The following POLE variants were observed in gnomAD, a reference collection of about 807,000 sequenced individuals.
The protein encoded by POLE is DNA polymerase epsilon catalytic subunit A.
POLE carries 188 observed loss-of-function variants against 279.2 expected under a neutral mutation model. The observed-to-expected ratio is 0.67, with a 90% confidence interval of 0.60 to 0.76. The LOEUF (loss-of-function observed/expected upper bound fraction) is 0.76, where lower values mean the gene tolerates loss of function less well. Ranked by LOEUF, POLE falls within the 30% of genes least tolerant of loss-of-function variation. The probability of loss-of-function intolerance (pLI) is 0.00; values close to 1 mark genes in which losing one functional copy is unlikely to be tolerated. For missense variants in POLE, 2,703 were observed against 3,016.7 expected, an observed-to-expected ratio of 0.90 and a Z score of 2.44; for synonymous variants, 1,214 against 1,172.5, an observed-to-expected ratio of 1.04 and a Z score of -0.72.
chr12:132,653,870 A>C (rs1283984953), intron 29 of POLE, among the ~76,000 whole-genome samples: 6 of 152,164 alleles, frequency 3.9e-5, no homozygotes, highest in African/African-American at 1.4e-4. Flanking sequence ...CTTTAACATG[A>C]GCAGATGTTA....
chr12:132,644,050 C>T (rs1234212547), intron 32 of POLE, 73 bp from the exon 33 acceptor site: 20 of 1,489,240 alleles, frequency 1.3e-5, no homozygotes, highest in Middle Eastern at 1.8e-4. Flanking sequence ...ACAAAGCACA[C>T]GCTATTCGGA....
Position 132,661,222 on chromosome 12 carries a change from G to T in POLE, c.2865-58C>A, listed in dbSNP as rs2135947053. The T allele has an allele frequency of 6.8e-7, 1 of 1,460,224 alleles. No homozygotes were observed. Among genetic ancestry groups the T allele is most frequent in the Non-Finnish European group, 9.2e-7 (1 of 1,081,976 alleles). 90.5% of individuals were successfully genotyped at this position (1,460,224 alleles called of 1,614,324 possible). A position where few individuals can be genotyped will look rare whatever the true frequency, so the allele number is the denominator to read the frequency against. ...GGCAAGGAGCGCTGGGGAGCCACCA[G>T]CTGTGCCTCATCCTCTCTGCCCGCC... On this transcript the variant is annotated intron_variant, in intron 24 of 48. Coordinates refer to ENST00000320574, the MANE Select transcript of POLE (RefSeq NM_006231.4). The surrounding 1 kb of genome is among the most constrained non-coding windows in gnomAD (Gnocchi z 4.1).
In POLE at chr12:132,642,934, C is replaced by T. The variant is rs1565938478; in HGVS notation, c.4614G>A (p.Leu1538=). The T allele has an allele frequency of 6.2e-7, 1 of 1,612,210 alleles. No homozygotes were observed. Among genetic ancestry groups the T allele is most frequent in the Non-Finnish European group, 8.5e-7 (1 of 1,179,436 alleles). Residue 1538 remains leucine (L), a synonymous_variant, in exon 36 of 49, where the codon CTG becomes CTA. Transcript: ENST00000320574. ...GCAGGAGCTCAGGGCCCACCTTCTC[C>T]AGGAGGAGGCCGTGCTCTGCTGAGT... ...ALYSAEHGLL[L]EKVGPELLPP...
At chr12:132,683,012 T>C (rs1220802902) in intron 1 of POLE, among the ~76,000 whole-genome samples, 2 of 152,086 alleles carry the variant, frequency 1.3e-5, no homozygotes, top group African/African-American at 2.4e-5. Flanking sequence ...CCTTCCTTTG[T>C]CTGAAGGTAT....
rs1351436677 is a variant in POLE, at chr12:132,672,620, A to G, written c.1686+7T>C. The G allele has an allele frequency of 1.9e-6, 3 of 1,613,560 alleles. No homozygotes were observed. The highest frequency in any genetic ancestry group is 2.5e-6 in the Non-Finnish European group (3 of 1,179,640). On this transcript the variant is annotated splice_region_variant and intron_variant, in intron 15 of 48. Coordinates refer to ENST00000320574, the MANE Select transcript of POLE (RefSeq NM_006231.4). ...GGAAGAATCTGAATCCCAGGGAAGA[A>G]GCACACCATCCTAAACCGGCAAGGG...
chr12:132,627,681 T>A (rs1363625741), intron 45 of POLE, among the ~76,000 whole-genome samples: 1 of 152,260 alleles, frequency 6.6e-6, no homozygotes, highest in African/African-American at 2.4e-5. Flanking sequence ...ACCTTAATTT[T>A]AAAATGTTTT....
intron 29 of POLE, among the ~76,000 whole-genome samples, chr12:132,654,134 G>A (rs377675853): frequency 2.0e-5 from 3 of 151,342 alleles, no homozygotes; most frequent in Admixed American, 6.6e-5. Flanking sequence ...AAAGTAACAA[G>A]GATTGCCAAG....
chr12:132,664,380 C>T lies in POLE; in HGVS notation c.2551G>A (p.Glu851Lys), dbSNP rs903152944. ...CCCTTCTGCACTCACCCAATCTGCT[C>T]GATCAGCTCCCGTGCCTGGGTGATG... ...NIITQARELI[E>K]QIGRPLELDT... The change falls in exon 22 of 49, where the codon GAG becomes AAG. Residue 851 changes from glutamate to lysine, a missense_variant. This residue lies in a region of POLE where 21 missense variants were observed against 51.9 expected (regional missense o/e 0.40). Coordinates refer to ENST00000320574, the MANE Select transcript of POLE (RefSeq NM_006231.4). This position sits in a 1 kb window ranked among gnomAD's most constrained non-coding sequence, Gnocchi z 5.3. The T allele has an allele frequency of 7.4e-6, 12 of 1,613,788 alleles. No homozygotes were observed. Among genetic ancestry groups the T allele is most frequent in the Admixed American group, 5.0e-5 (3 of 60,024 alleles).
chr12:132,667,403 T>G, intron 20 of POLE, 100 bp downstream of exon 20: 1 of 1,277,908 alleles, frequency 7.8e-7, no homozygotes, highest in South Asian at 1.3e-5. Context: ...TGCAAGTGCC[T>G]GCTCAGAGGA....
In POLE at chr12:132,624,934, C is replaced by T. The variant is rs746384198; in HGVS notation, c.6718G>A (p.Gly2240Arg). The change falls in exon 48 of 49, where the codon GGA becomes AGA. Residue 2240 changes from glycine (G) to arginine (R), a missense_variant. Physicochemically the swap from Gly to Arg is moderately radical, Grantham distance 125. Around this residue, in one of 5 missense-constraint regions of POLE, gnomAD observed 1,551 missense variants for 1,686.1 expected, o/e 0.92. Coordinates refer to ENST00000320574, the MANE Select transcript of POLE (RefSeq NM_006231.4). Reference protein sequence around the residue: ...TSMPVYCSCAGDFALTIHTQV... With the variant: ...TSMPVYCSCARDFALTIHTQV... The stretch of plus-strand genomic sequence containing the variant: ...GTGTGGATGGTGAGGGCGAAGTCTC[C>T]CGCGCAGCTGCAGTACACAGGCATG... The T allele has an allele frequency of 6.2e-7, 1 of 1,614,098 alleles. No individual in the cohort carries two copies. The highest frequency in any genetic ancestry group is 8.5e-7 in the Non-Finnish European group (1 of 1,179,992).
intron 2 of POLE, 101 bp downstream of exon 2, chr12:132,681,037 C>CA: frequency 7.1e-7 from 1 of 1,401,966 alleles, no homozygotes. Context: ...CTGATTCACT[C>CA]AAAGTTCCCT....
Position 132,675,292 on chromosome 12 carries a change from A to T in POLE, c.1226+106T>A. The T allele has an allele frequency of 6.9e-7, 1 of 1,446,298 alleles. No individual in the cohort carries two copies. The highest frequency in any genetic ancestry group is 9.3e-7 in the Non-Finnish European group (1 of 1,071,840). The allele number at this position is 1,446,298 out of a possible 1,614,324, so 89.6% of individuals were successfully genotyped here. A position where few individuals can be genotyped will look rare whatever the true frequency, so the allele number is the denominator to read the frequency against. On this transcript the variant is annotated intron_variant, in intron 12 of 48. Coordinates refer to ENST00000320574, the MANE Select transcript of POLE (RefSeq NM_006231.4). The surrounding 1 kb of genome is among the most constrained non-coding windows in gnomAD (Gnocchi z 4.3). ...TGGGTGACCTGAAACGGCCTCTCGG[A>T]GGCCACCCTCCTCCCATGAGATGTG...
At chr12:132,653,611 T>G (rs2138635773) in intron 29 of POLE, among the ~76,000 whole-genome samples, 1 of 152,382 alleles carries the variant, frequency 6.6e-6, no homozygotes, top group East Asian at 1.9e-4. Flanking sequence ...TGTTAACAAA[T>G]TACATCGCCT....
At chr12:132,680,314 A>G in intron 3 of POLE, 92 bp from the exon 4 acceptor site, 3 of 1,214,260 alleles carry the variant, frequency 2.5e-6, no homozygotes, top group Non-Finnish European at 3.7e-6. Context: ...TATCCCATGA[A>G]CAGCCTAGGG....
intron 3 of POLE, 186 bp downstream of exon 3, chr12:132,680,419 CAG>C (rs2043142261): frequency 1.5e-6 from 1 of 667,026 alleles, no homozygotes; most frequent in Non-Finnish European, 2.7e-6. Flanking sequence ...TCTCACCATT[CAG>C]AGTCTTCCTG....
intron 16 of POLE, 44 bp downstream of exon 16, chr12:132,672,171 G>T: frequency 7.5e-7 from 1 of 1,340,878 alleles, no homozygotes; most frequent in East Asian, 2.3e-5. Context: ...CTGTGAAGAA[G>T]GCGCCAAACA....
At chr12:132,625,816 CCA>C (rs770993289) in intron 46 of POLE, 46 bp from the exon 47 acceptor site, 3 of 1,594,054 alleles carry the variant, frequency 1.9e-6, no homozygotes. Flanking sequence ...AGCCTCCAGA[CCA>C]CAGTGCCATG....
chr12:132,651,835 A>T (rs1044198565), intron 29 of POLE, among the ~76,000 whole-genome samples: 37 of 152,338 alleles, frequency 2.4e-4, no homozygotes, highest in Admixed American at 9.8e-4. Flanking sequence ...CCAAGGAGGA[A>T]CCGAGTCCTG....
rs2136051786 is a variant in POLE, at chr12:132,687,244, C to T, written c.62+10G>A. The T allele has an allele frequency of 6.8e-7, 1 of 1,479,986 alleles. No homozygotes were observed. Among genetic ancestry groups the T allele is most frequent in the Non-Finnish European group, 9.0e-7 (1 of 1,115,630 alleles). The allele number at this position is 1,479,986 out of a possible 1,614,324, so 91.7% of individuals were successfully genotyped here. On this transcript the variant is annotated intron_variant, in intron 1 of 48. Transcript: ENST00000320574. ...GGCCGGCCCGAGAGCCTCAGGAGGGCGCCCCTCACCTGCTGGCCTCGCCAT... is the reference window on the plus strand; with the variant it reads ...GGCCGGCCCGAGAGCCTCAGGAGGGTGCCCCTCACCTGCTGGCCTCGCCAT...
Sources: gnomAD v4.1 joint callset for allele counts (sites outside exome capture counted in the v4.1 genomes callset) on GRCh38, gnomAD v4.1.1 for gene constraint, gnomAD v4.1.1 regional missense constraint, Gnocchi (gnomAD v3.1) non-coding constraint, MANE v1.5 for transcripts, NCBI Gene and HGNC (gene_info 2026-07-23, HGNC 2026-07-21) for gene names.